KCND2: variants seen among roughly 807,000 people sequenced by gnomAD.
The protein encoded by KCND2 is A-type voltage-gated potassium channel KCND2.
Under a neutral mutation model 54.4 loss-of-function variants are expected in KCND2, and 16 were observed. The ratio of observed to expected loss-of-function variants is 0.29; its 90% CI spans 0.20 to 0.45. The LOEUF (loss-of-function observed/expected upper bound fraction) is 0.45, where lower values mean the gene tolerates loss of function less well. Among genes scored for constraint, KCND2 ranks in the 20% least tolerant of loss-of-function variants. The pLI, the probability that KCND2 is intolerant of heterozygous loss-of-function variation, is 1.00. For missense variants in KCND2, 486 were observed against 824.2 expected, an observed-to-expected ratio of 0.59 and a Z score of 5.02; for synonymous variants, 317 against 310.7, an observed-to-expected ratio of 1.02 and a Z score of -0.21.
intron 1 of KCND2, among the ~76,000 whole-genome samples, chr7:120,550,325 A>G (rs1423444925): frequency 5.9e-5 from 9 of 152,076 alleles, no homozygotes; most frequent in Non-Finnish European, 1.2e-4. Flanking sequence ...GAAAAAAATG[A>G]GGTAGCACAA....
At chr7:120,305,799 G>A (rs1040197476) in intron 1 of KCND2, among the ~76,000 whole-genome samples, 2 of 152,064 alleles carry the variant, frequency 1.3e-5, no homozygotes, top group African/African-American at 4.8e-5. Context: ...TAAACTCTTA[G>A]CAACAGACTT....
intron 1 of KCND2, among the ~76,000 whole-genome samples, chr7:120,490,411 C>T (rs538348772): frequency 1.2e-3 from 182 of 152,216 alleles, no homozygotes; most frequent in Non-Finnish European, 2.0e-3. Flanking sequence ...TTATATAATT[C>T]GTTGATAAGC....
intron 1 of KCND2, among the ~76,000 whole-genome samples, chr7:120,400,665 T>G (rs1473001637): frequency 6.6e-6 from 1 of 152,116 alleles, no homozygotes; most frequent in Non-Finnish European, 1.5e-5. Flanking sequence ...TCCTCAAACT[T>G]TAATGTGCAT....
intron 1 of KCND2, among the ~76,000 whole-genome samples, chr7:120,560,160 ATAAG>A (rs1584828290): frequency 6.6e-6 from 1 of 152,220 alleles, no homozygotes; most frequent in African/African-American, 2.4e-5. Flanking sequence ...TGACTAACTC[ATAAG>A]TAATTCAACA....
rs145986114 is a variant in KCND2 at position 120,399,934 on chromosome 7, C to T, written c.1115+124187C>T. 3.9e-4 allele frequency among the ~76,000 whole-genome samples: 59 copies of T among 152,112 alleles called. No homozygotes were observed. In the East Asian group the frequency reaches 0.011, roughly 28 times the overall value. Reference sequence around the variant, plus strand: ...AGAGACAGAGTTTGACCATGTTGCCCAGGCTGGTCTCAAACTCCTGACCTC... The same window carrying T: ...AGAGACAGAGTTTGACCATGTTGCCTAGGCTGGTCTCAAACTCCTGACCTC... On this transcript the variant is annotated intron_variant, in intron 1 of 5. Coordinates refer to ENST00000331113, the MANE Select transcript of KCND2 (RefSeq NM_012281.3).
chr7:120,669,656 A>C (rs1791967622), intron 1 of KCND2, among the ~76,000 whole-genome samples: 1 of 152,116 alleles, frequency 6.6e-6, no homozygotes, highest in African/African-American at 2.4e-5. Flanking sequence ...CGAGTTATAG[A>C]ATATAAAAAT....
chr7:120,531,432 T>C (rs2116364857), intron 1 of KCND2, among the ~76,000 whole-genome samples: 1 of 152,206 alleles, frequency 6.6e-6, no homozygotes, highest in South Asian at 2.1e-4. Context: ...GCACTTAAAG[T>C]CCTTGTGCTT....
At chr7:120,429,983 C>A (rs1418668732) in intron 1 of KCND2, among the ~76,000 whole-genome samples, 1 of 152,186 alleles carries the variant, frequency 6.6e-6, no homozygotes, top group Admixed American at 6.5e-5. Flanking sequence ...AAAATCCATT[C>A]AAAGAGAATG....
chr7:120,467,355 A>G (rs1273307370), intron 1 of KCND2, among the ~76,000 whole-genome samples: 1 of 152,134 alleles, frequency 6.6e-6, no homozygotes, highest in Non-Finnish European at 1.5e-5. Flanking sequence ...ACTAGAACAG[A>G]ATCAGTGTCC....
At chr7:120,374,461 G>A (rs983659272) in intron 1 of KCND2, among the ~76,000 whole-genome samples, 2 of 151,640 alleles carry the variant, frequency 1.3e-5, no homozygotes, top group African/African-American at 4.8e-5. Flanking sequence ...CGTTTTCTGT[G>A]ATAATTTTAA....
intron 1 of KCND2, among the ~76,000 whole-genome samples, chr7:120,278,052 T>C (rs2116249316): frequency 6.6e-6 from 1 of 152,166 alleles, no homozygotes; most frequent in South Asian, 2.1e-4. Flanking sequence ...GCAGTCATAC[T>C]TTTAAGATGT....
chr7:120,392,955 A>C (rs1197971445), intron 1 of KCND2, among the ~76,000 whole-genome samples: 1 of 152,072 alleles, frequency 6.6e-6, no homozygotes, highest in Non-Finnish European at 1.5e-5. Flanking sequence ...TACATGTATC[A>C]GTTAAAATAG....
intron 1 of KCND2, among the ~76,000 whole-genome samples, chr7:120,513,571 T>A (rs887541532): frequency 6.6e-6 from 1 of 152,120 alleles, no homozygotes; most frequent in African/African-American, 2.4e-5. Context: ...ACTGACTAGT[T>A]GTTTTGGTTT....
chr7:120,634,442 C>T (rs1793278936), intron 1 of KCND2, among the ~76,000 whole-genome samples: 1 of 152,028 alleles, frequency 6.6e-6, no homozygotes, highest in Admixed American at 6.6e-5. Context: ...TTAACTACTC[C>T]ATTCAACATG....
At chr7:120,572,363 C>T (rs1792376461) in intron 1 of KCND2, among the ~76,000 whole-genome samples, 1 of 152,062 alleles carries the variant, frequency 6.6e-6, no homozygotes, top group African/African-American at 2.4e-5. Flanking sequence ...TCACTATTTA[C>T]AAAAACAATG....
intron 1 of KCND2, among the ~76,000 whole-genome samples, chr7:120,532,322 C>T (rs1247393672): frequency 6.6e-6 from 1 of 151,794 alleles, no homozygotes; most frequent in Admixed American, 6.6e-5. Flanking sequence ...AAAGAATAGA[C>T]AATGAACTTT....
At chr7:120,586,690 G>T (rs1792604983) in intron 1 of KCND2, among the ~76,000 whole-genome samples, 1 of 152,094 alleles carries the variant, frequency 6.6e-6, no homozygotes, top group African/African-American at 2.4e-5. Context: ...TTTCTCAACG[G>T]TTTCCTGACT....
intron 1 of KCND2, among the ~76,000 whole-genome samples, chr7:120,542,257 AT>A (rs1444410743): frequency 6.6e-6 from 1 of 152,158 alleles, no homozygotes; most frequent in Non-Finnish European, 1.5e-5. Context: ...ACATTGAGTA[AT>A]TTGATTGCAT....
chr7:120,498,042 T>C (rs566393034), intron 1 of KCND2, among the ~76,000 whole-genome samples: 3 of 152,348 alleles, frequency 2.0e-5, no homozygotes, highest in Admixed American at 2.0e-4. Context: ...ACCAGATTTA[T>C]TTACTGTCAC....
Sources: allele counts gnomAD v4.1 joint callset (sites outside exome capture counted in the v4.1 genomes callset), GRCh38; gene constraint gnomAD v4.1.1; transcripts MANE v1.5; gene names NCBI Gene and HGNC (gene_info 2026-07-23, HGNC 2026-07-21).